DPYSL5: variants seen among roughly 807,000 people sequenced by gnomAD.
DPYSL5 encodes the protein dihydropyrimidinase-related protein 5.
In DPYSL5, 9 loss-of-function variants were observed where a neutral mutation model predicts 58.4. That is an observed-to-expected ratio of 0.15 (90% CI 0.09 to 0.27). DPYSL5 has a LOEUF of 0.27. Ranked by LOEUF, DPYSL5 falls within the 10% of genes least tolerant of loss-of-function variation. The probability of loss-of-function intolerance (pLI) is 1.00; values close to 1 mark genes in which losing one functional copy is unlikely to be tolerated. For synonymous variants in DPYSL5, 293 were observed against 301.9 expected, an observed-to-expected ratio of 0.97 and a Z score of 0.31; for missense variants, 499 against 770.6, an observed-to-expected ratio of 0.65 and a Z score of 4.17.
rs1663750872 is a variant in DPYSL5, at chr2:26,887,556, T to G, written c.-4-10940T>G. The stretch of plus-strand genomic sequence containing the variant: ...GTACCTTATAGGAGTGTATGGTGTG[T>G]GCATTTCATGATCAAGAAGCAGCAG... On this transcript the variant is annotated intron_variant, in intron 1 of 12. Transcript: ENST00000288699. Among the ~76,000 whole-genome samples, 4 of 152,216 alleles carry G rather than the reference T, an allele frequency of 2.6e-5. No individual in the cohort carries two copies. In the South Asian group the frequency reaches 8.3e-4, roughly 32 times the overall value.
intron 6 of DPYSL5, among the ~76,000 whole-genome samples, chr2:26,932,093 G>A (rs201752178): frequency 5.3e-5 from 3 of 56,560 alleles, no homozygotes; most frequent in Non-Finnish European, 1.1e-4. Context: ...AAAGAAAAAA[G>A]AAAGAGAAAG....
intron 5 of DPYSL5, among the ~76,000 whole-genome samples, chr2:26,928,796 G>T (rs1436838304): frequency 5.4e-5 from 8 of 147,232 alleles, no homozygotes; most frequent in Admixed American, 5.4e-4. Flanking sequence ...TTTTCTCCAC[G>T]GGTGAAATTT....
intron 2 of DPYSL5, among the ~76,000 whole-genome samples, chr2:26,921,246 G>A (rs1664695998): frequency 6.6e-6 from 1 of 152,234 alleles, no homozygotes; most frequent in Non-Finnish European, 1.5e-5. Context: ...GCTCACGCCT[G>A]TAATCCCAGC....
At chr2:26,874,385 T>C (rs779997338) in intron 1 of DPYSL5, among the ~76,000 whole-genome samples, 1 of 152,244 alleles carries the variant, frequency 6.6e-6, no homozygotes, top group African/African-American at 2.4e-5. Flanking sequence ...TAGGTTAGCA[T>C]CTATGATTAG....
At position 26,934,342 on chromosome 2, in the gene DPYSL5, G is replaced by A. The variant is rs547694219; in HGVS notation, c.791-236G>A. ...GCCAAACCAGACTCCTCAAAGTGCC[G>A]CTTGGTCCTGCTGGGCCTCGGTGCC... On this transcript the variant is annotated intron_variant, in intron 7 of 12. Coordinates refer to ENST00000288699, the MANE Select transcript of DPYSL5 (RefSeq NM_020134.4). This position sits in a 1 kb window ranked among gnomAD's most constrained non-coding sequence, Gnocchi z 4.3. Among the ~76,000 whole-genome samples, 2 of 152,256 alleles carry A rather than the reference G, an allele frequency of 1.3e-5. No individual in the cohort carries two copies. Among genetic ancestry groups the A allele is most frequent in the South Asian group, 2.1e-4 (1 of 4,824 alleles).
At chr2:26,851,238 A>G (rs181542866) in intron 1 of DPYSL5, among the ~76,000 whole-genome samples, 5 of 152,352 alleles carry the variant, frequency 3.3e-5, no homozygotes, top group Non-Finnish European at 7.3e-5. Flanking sequence ...GGATTTTTAA[A>G]AGGATGTAAT....
intron 1 of DPYSL5, among the ~76,000 whole-genome samples, chr2:26,896,565 T>C (rs542476513): frequency 6.6e-6 from 1 of 152,368 alleles, no homozygotes; most frequent in East Asian, 1.9e-4. Flanking sequence ...ATCTTTTTGA[T>C]AATAGTCATT....
In DPYSL5 at chr2:26,924,629, T is replaced by C. The variant is rs1664782549; in HGVS notation, c.262-258T>C. ...TTAGGTCGGGTGACCCACGATGTGGTTTTTCCAGCGCGCCAAGCTGAAACC... is the reference window on the plus strand; with the variant it reads ...TTAGGTCGGGTGACCCACGATGTGGCTTTTCCAGCGCGCCAAGCTGAAACC... On this transcript the variant is annotated intron_variant, in intron 2 of 12. Transcript: ENST00000288699. The surrounding 1 kb of genome is among the most constrained non-coding windows in gnomAD (Gnocchi z 4.7). 1.3e-5 allele frequency among the ~76,000 whole-genome samples: 2 copies of C among 151,934 alleles called. No homozygotes were observed. The highest frequency in any genetic ancestry group is 1.3e-4 in the Admixed American group (2 of 15,244).
chr2:26,926,854 G>A (rs180923313), intron 3 of DPYSL5, among the ~76,000 whole-genome samples: 7 of 152,234 alleles, frequency 4.6e-5, no homozygotes, highest in South Asian at 2.1e-4. Flanking sequence ...GTTTTCCCAG[G>A]ACCTCTGGAT....
At chr2:26,916,155 C>A (rs556954734) in intron 2 of DPYSL5, among the ~76,000 whole-genome samples, 1 of 152,258 alleles carries the variant, frequency 6.6e-6, no homozygotes, top group South Asian at 2.1e-4. Flanking sequence ...TTCACCTCCT[C>A]GTCTGTCATC....
At chr2:26,889,035 C>G (rs572910294) in intron 1 of DPYSL5, among the ~76,000 whole-genome samples, 33 of 152,190 alleles carry the variant, frequency 2.2e-4, no homozygotes, top group Middle Eastern at 3.4e-3. Context: ...GGACACTATT[C>G]CCATTCATGA....
At chr2:26,943,877 T>C (rs879783779) in intron 11 of DPYSL5, among the ~76,000 whole-genome samples, 1 of 152,204 alleles carries the variant, frequency 6.6e-6, no homozygotes, top group Non-Finnish European at 1.5e-5. Context: ...GGGCCTCTCA[T>C]CTCCAGATGG....
rs1665505714 is a variant in DPYSL5, at chr2:26,947,012, C to A, written c.*17C>A. 3 of 1,597,024 alleles carry A rather than the reference C, an allele frequency of 1.9e-6. No homozygotes were observed. The highest frequency in any genetic ancestry group is 2.6e-6 in the Non-Finnish European group (3 of 1,165,942). On this transcript the variant is annotated 3_prime_UTR_variant, in exon 13 of 13. Coordinates refer to ENST00000288699, the MANE Select transcript of DPYSL5 (RefSeq NM_020134.4). The surrounding 1 kb of genome is among the most constrained non-coding windows in gnomAD (Gnocchi z 4.2). ...ATTTGGTAAAGGCATTGCCAAGCCC[C>A]CCGAGTGAGGACGCACCGCCGCCAC...
Position 26,898,658 on chromosome 2 carries a change from C to G in DPYSL5, c.159C>G (p.Ala53=). 1 of 1,614,166 alleles carries G rather than the reference C, an allele frequency of 6.2e-7. No individual in the cohort carries two copies. The highest frequency in any genetic ancestry group is 1.3e-5 in the African/African-American group (1 of 75,032). The change falls in exon 2 of 13, where the codon GCC becomes GCG. Residue 53 remains alanine (A), a synonymous_variant. Coordinates refer to ENST00000288699, the MANE Select transcript of DPYSL5 (RefSeq NM_020134.4). The surrounding 1 kb of genome is among the most constrained non-coding windows in gnomAD (Gnocchi z 6.1). ...CTGGCGGGGCCAAGGTGATTGATGC[C>G]ACAGGAAAACTGGTGATCCCTGGTG... ...MIPGGAKVID[A]TGKLVIPGGI...
chr2:26,906,957 G>A (rs868608770), intron 2 of DPYSL5, among the ~76,000 whole-genome samples: 6 of 151,720 alleles, frequency 4.0e-5, no homozygotes, highest in Non-Finnish European at 5.9e-5. Flanking sequence ...TGTAGAGACC[G>A]GATCTTGCTA....
intron 5 of DPYSL5, among the ~76,000 whole-genome samples, chr2:26,930,814 A>G (rs1664950719): frequency 1.3e-5 from 2 of 151,918 alleles, no homozygotes; most frequent in Admixed American, 1.3e-4. Flanking sequence ...CTCTACTAAA[A>G]ATACAAAAAA....
chr2:26,893,504 T>C (rs941544977), intron 1 of DPYSL5, among the ~76,000 whole-genome samples: 6 of 152,206 alleles, frequency 3.9e-5, no homozygotes, highest in Non-Finnish European at 8.8e-5. Flanking sequence ...GTTAGGAAAA[T>C]TGAGCCTTAT....
At chr2:26,937,194 T>G (rs1160660907) in intron 8 of DPYSL5, among the ~76,000 whole-genome samples, 1 of 152,088 alleles carries the variant, frequency 6.6e-6, no homozygotes, top group Non-Finnish European at 1.5e-5. Context: ...CTGGAATAAG[T>G]ATCATTGAAT....
chr2:26,934,446 G>T lies in DPYSL5; in HGVS notation c.791-132G>T. 9.2e-7 allele frequency: 1 copy of T among 1,090,314 alleles called. No individual in the cohort carries two copies. Among genetic ancestry groups the T allele is most frequent in the South Asian group, 1.6e-5 (1 of 62,146 alleles). 67.5% of individuals were successfully genotyped at this position (1,090,314 alleles called of 1,614,324 possible). A position where few individuals can be genotyped will look rare whatever the true frequency, so the allele number is the denominator to read the frequency against. On this transcript the variant is annotated intron_variant, in intron 7 of 12. Coordinates refer to ENST00000288699, the MANE Select transcript of DPYSL5 (RefSeq NM_020134.4). This position sits in a 1 kb window ranked among gnomAD's most constrained non-coding sequence, Gnocchi z 4.3. ...CTTGAACCCAGCTGTGCTCTTAAAA[G>T]CCCTGTGAGCTTGGGCAGGTCCCTT... is the stretch of plus-strand genomic sequence containing the variant.
Sources: allele counts gnomAD v4.1 joint callset (sites outside exome capture counted in the v4.1 genomes callset), GRCh38; gene constraint gnomAD v4.1.1; non-coding constraint Gnocchi (gnomAD v3.1); transcripts MANE v1.5; gene names NCBI Gene and HGNC (gene_info 2026-07-23, HGNC 2026-07-21).